Variants in CDH12 observed in about 807,000 individuals in gnomAD.
CDH12 encodes cadherin-12.
In CDH12, 41 loss-of-function variants were observed where a neutral mutation model predicts 74.1. The ratio of observed to expected loss-of-function variants is 0.55; its 90% CI spans 0.43 to 0.72. The LOEUF (loss-of-function observed/expected upper bound fraction) is 0.72. CDH12 is among the 30% of genes least tolerant of loss of function. The pLI, the probability that CDH12 is intolerant of heterozygous loss-of-function variation, is 0.00. For synonymous variants in CDH12, 399 were observed against 355.0 expected (o/e 1.12, Z -1.39); for missense variants, 945 against 977.2 (o/e 0.97, Z 0.44).
chr5:22,117,176 C>T (rs754738645), intron 4 of CDH12, among the ~76,000 whole-genome samples: 2 of 150,924 alleles, frequency 1.3e-5, no homozygotes, highest in African/African-American at 2.4e-5. Flanking sequence ...TTCCATGCCA[C>T]TGTTTAGGTG....
chr5:22,619,401 T>C (rs1418766741), intron 1 of CDH12, among the ~76,000 whole-genome samples: 1 of 152,112 alleles, frequency 6.6e-6, no homozygotes, highest in African/African-American at 2.4e-5. Flanking sequence ...AGTAAACTAG[T>C]AAACACTGAC....
intron 3 of CDH12, among the ~76,000 whole-genome samples, chr5:22,343,715 T>C (rs1402594902): frequency 6.6e-6 from 1 of 152,104 alleles, no homozygotes; most frequent in African/African-American, 2.4e-5. Context: ...GTTGGTTCTT[T>C]TGAAATTTAA....
chr5:21,764,651 GAAAAA>G (rs369895363), intron 12 of CDH12, among the ~76,000 whole-genome samples: 1 of 110,096 alleles, frequency 9.1e-6, no homozygotes, highest in Non-Finnish European at 1.7e-5. Context: ...TTCATATCAA[GAAAAA>G]AAAAAAAAAA....
chr5:22,394,197 A>G (rs1742359688), intron 3 of CDH12, among the ~76,000 whole-genome samples: 1 of 152,120 alleles, frequency 6.6e-6, no homozygotes, highest in Admixed American at 6.6e-5. Flanking sequence ...TTACTTTTAA[A>G]TCTCATTATA....
At chr5:22,028,108 C>T (rs1194391345) in intron 5 of CDH12, among the ~76,000 whole-genome samples, 4 of 152,004 alleles carry the variant, frequency 2.6e-5, no homozygotes, top group African/African-American at 9.7e-5. Flanking sequence ...GTTCAGTTTC[C>T]ATGTAGTTGA....
At chr5:22,060,570 A>G (rs1259567785) in intron 5 of CDH12, among the ~76,000 whole-genome samples, 1 of 152,146 alleles carries the variant, frequency 6.6e-6, no homozygotes, top group Non-Finnish European at 1.5e-5. Context: ...AAAGGAAGAT[A>G]TTTAAATGAT....
intron 3 of CDH12, among the ~76,000 whole-genome samples, chr5:22,378,578 T>G (rs1220470078): frequency 6.6e-6 from 1 of 152,080 alleles, no homozygotes; most frequent in Non-Finnish European, 1.5e-5. Context: ...TGACCACTAA[T>G]AAAACTTCTA....
intron 6 of CDH12, among the ~76,000 whole-genome samples, chr5:21,885,933 C>T (rs1050474775): frequency 4.6e-5 from 7 of 152,102 alleles, no homozygotes; most frequent in African/African-American, 1.7e-4. Context: ...GTTCCTTATT[C>T]TGAAAAGAAG....
intron 2 of CDH12, among the ~76,000 whole-genome samples, chr5:22,432,638 C>T (rs1344396062): frequency 6.6e-6 from 1 of 152,022 alleles, no homozygotes; most frequent in Non-Finnish European, 1.5e-5. Flanking sequence ...TTGTAATCTT[C>T]TCTTTCCTGG....
chr5:22,593,667 T>C (rs1342798306), intron 1 of CDH12, among the ~76,000 whole-genome samples: 1 of 152,158 alleles, frequency 6.6e-6, no homozygotes, highest in East Asian at 1.9e-4. Flanking sequence ...CTCCAAGTGG[T>C]TATTAAAAAT....
At chr5:21,778,897 G>A (rs77890849) in intron 11 of CDH12, among the ~76,000 whole-genome samples, 1 of 152,102 alleles carries the variant, frequency 6.6e-6, no homozygotes, top group African/African-American at 2.4e-5. Context: ...ATTACTTCAT[G>A]TGAAATTTTA....
intron 3 of CDH12, among the ~76,000 whole-genome samples, chr5:22,309,677 G>A (rs1386367999): frequency 1.3e-5 from 2 of 151,838 alleles, no homozygotes; most frequent in Non-Finnish European, 2.9e-5. Flanking sequence ...TCCTCATGTT[G>A]TACATTAGGT....
At chr5:21,816,235 A>G (rs1025748241) in intron 9 of CDH12, among the ~76,000 whole-genome samples, 1 of 152,142 alleles carries the variant, frequency 6.6e-6, no homozygotes, top group Non-Finnish European at 1.5e-5. Context: ...GACCTTTATG[A>G]TGATCCACTA....
At chr5:22,465,375 T>C (rs1745685442) in intron 2 of CDH12, among the ~76,000 whole-genome samples, 1 of 152,184 alleles carries the variant, frequency 6.6e-6, no homozygotes, top group African/African-American at 2.4e-5. Flanking sequence ...TGTCACAGCA[T>C]GGCTCATGCC....
intron 6 of CDH12, among the ~76,000 whole-genome samples, chr5:21,953,708 G>T (rs1034577801): frequency 2.6e-5 from 4 of 152,122 alleles, no homozygotes; most frequent in African/African-American, 9.7e-5. Context: ...AAAAACTTCT[G>T]CACTTTATGA....
chr5:22,537,730 G>A (rs1351612094), intron 1 of CDH12, among the ~76,000 whole-genome samples: 2 of 152,084 alleles, frequency 1.3e-5, no homozygotes, highest in Non-Finnish European at 2.9e-5. Flanking sequence ...AATACTCTTA[G>A]AGAGCGCTCC....
At chr5:22,357,731 C>CA (rs1035313498) in intron 3 of CDH12, among the ~76,000 whole-genome samples, 5 of 151,718 alleles carry the variant, frequency 3.3e-5, no homozygotes, top group South Asian at 2.1e-4. Context: ...AGATTTTTCC[C>CA]AAAAAAATGA....
At chr5:21,797,385 A>T (rs750342713) in intron 10 of CDH12, among the ~76,000 whole-genome samples, 1 of 152,136 alleles carries the variant, frequency 6.6e-6, no homozygotes, top group Non-Finnish European at 1.5e-5. Context: ...TTTCACTCTC[A>T]TTCTTAAGCG....
chr5:22,407,631 CT>C (rs200828885), intron 2 of CDH12, among the ~76,000 whole-genome samples: 3 of 152,136 alleles, frequency 2.0e-5, no homozygotes, highest in East Asian at 3.9e-4. Context: ...TCAAGCTTAC[CT>C]GTCATCATCT....
Sources: allele counts gnomAD v4.1 joint callset (sites outside exome capture counted in the v4.1 genomes callset), GRCh38; gene constraint gnomAD v4.1.1; transcripts MANE v1.5; gene names NCBI Gene and HGNC (gene_info 2026-07-23, HGNC 2026-07-21).